The following ATP13A5 variants were observed in gnomAD, a reference collection of about 807,000 sequenced individuals.
ATP13A5 encodes the protein ATPase 13A5.
Under a neutral mutation model 150.2 loss-of-function variants are expected in ATP13A5, and 149 were observed. The ratio of observed to expected loss-of-function variants is 0.99; its 90% confidence interval spans 0.87 to 1.14. The LOEUF is 1.14. Among genes scored for constraint, ATP13A5 ranks in the 50% most tolerant of loss-of-function variants. ATP13A5 has a pLI of 0.00. For synonymous variants in ATP13A5, 497 were observed against 522.2 expected, an observed-to-expected ratio of 0.95 and a Z score of 0.66; for missense variants, 1,383 against 1,449.3, an observed-to-expected ratio of 0.95 and a Z score of 0.74.
chr3:193,338,323 A>C (rs374546965), intron 9 of ATP13A5, among the ~76,000 whole-genome samples: 1 of 152,030 alleles, frequency 6.6e-6, no homozygotes, highest in Non-Finnish European at 1.5e-5. Context: ...TTTTCAAAGG[A>C]AATGCTTCCA....
intron 19 of ATP13A5, among the ~76,000 whole-genome samples, chr3:193,312,403 C>T (rs2108852676): frequency 6.6e-6 from 1 of 152,320 alleles, no homozygotes; most frequent in Middle Eastern, 3.4e-3. Flanking sequence ...AGGCCCCAGC[C>T]TCTGACCTTT....
At chr3:193,313,734 A>C (rs952239395) in intron 19 of ATP13A5, 2 of 281,032 alleles carry the variant, frequency 7.1e-6, no homozygotes, top group Non-Finnish European at 1.3e-5. Flanking sequence ...ATGAGTATAA[A>C]TCAGTAGTTC....
chr3:193,341,880 T>C (rs1712142807), intron 9 of ATP13A5, among the ~76,000 whole-genome samples: 2 of 152,178 alleles, frequency 1.3e-5, no homozygotes, highest in Non-Finnish European at 2.9e-5. Flanking sequence ...TACCAAAAAG[T>C]GGATACTATT....
At chr3:193,318,839 A>G in intron 17 of ATP13A5, 152 bp downstream of exon 17, 1 of 611,908 alleles carries the variant, frequency 1.6e-6, no homozygotes, top group Non-Finnish European at 2.9e-6. Context: ...TATCACCTAC[A>G]ATTATCCATC....
At chr3:193,305,732 C>T in intron 22 of ATP13A5, 64 bp from the exon 23 acceptor site, 2 of 1,335,312 alleles carry the variant, frequency 1.5e-6, no homozygotes, top group Admixed American at 3.4e-5. Flanking sequence ...CTTAAAACAC[C>T]AAGAGGCTGT....
chr3:193,337,394 C>T (rs1011378586), intron 9 of ATP13A5, among the ~76,000 whole-genome samples: 2 of 152,054 alleles, frequency 1.3e-5, no homozygotes, highest in African/African-American at 4.8e-5. Context: ...GTCTTTAATC[C>T]ATCTTGAATT....
intron 9 of ATP13A5, among the ~76,000 whole-genome samples, chr3:193,339,611 G>T (rs1258357118): frequency 6.6e-6 from 1 of 152,156 alleles, no homozygotes; most frequent in African/African-American, 2.4e-5. Flanking sequence ...TTTTAGGCAA[G>T]TGTTGTTCCC....
intron 12 of ATP13A5, among the ~76,000 whole-genome samples, chr3:193,329,178 C>G (rs1383698035): frequency 1.3e-5 from 2 of 151,562 alleles, no homozygotes; most frequent in Admixed American, 1.3e-4. Flanking sequence ...GATGCGGAGG[C>G]TGTAGTGAGC....
chr3:193,288,652 C>A lies in ATP13A5; in HGVS notation c.3023+1233G>T, dbSNP rs1352251590. Among the ~76,000 whole-genome samples, 3 of 152,138 alleles carry A rather than the reference C, an allele frequency of 2.0e-5. No homozygotes were observed. The East Asian group carries it at 5.8e-4, about 29-fold the overall frequency. On this transcript the variant is annotated intron_variant, in intron 26 of 29. Transcript: ENST00000342358. ...AAACTTCATGTGACTTGCTTTATTGCAATATTCACTTTATCGTGGTAGACT... is the reference window on the plus strand; with the variant it reads ...AAACTTCATGTGACTTGCTTTATTGAAATATTCACTTTATCGTGGTAGACT...
chr3:193,289,071 C>A (rs947478089), intron 26 of ATP13A5, among the ~76,000 whole-genome samples: 1 of 152,140 alleles, frequency 6.6e-6, no homozygotes, highest in Non-Finnish European at 1.5e-5. Context: ...AAATGACAAT[C>A]TGATCATTTG....
rs1250662645 is a variant in ATP13A5, at chr3:193,334,934, T to C, written c.1109A>G (p.Gln370Arg). Residue 370 changes from glutamine to arginine, a missense_variant, in exon 10 of 30, where the codon CAA becomes CGA. Gln to Arg is a conservative substitution (Grantham distance 43). Transcript: ENST00000342358. The part of the protein sequence containing the change: ...GQGPVRAVVL[Q>R]TGYNTAKGDL... Reference sequence around the variant, plus strand: ...CAAAAGTGGAATCCACTAACCTGTTTGCAAAACGACTGCTCGTACAGGCCC... The same window carrying C: ...CAAAAGTGGAATCCACTAACCTGTTCGCAAAACGACTGCTCGTACAGGCCC... 3 of 1,612,402 alleles carry C rather than the reference T, an allele frequency of 1.9e-6. No homozygotes were observed. The highest frequency in any genetic ancestry group is 2.5e-6 in the Non-Finnish European group (3 of 1,179,006).
intron 1 of ATP13A5, among the ~76,000 whole-genome samples, chr3:193,378,386 C>T (rs994717969): frequency 2.0e-5 from 3 of 152,182 alleles, no homozygotes; most frequent in African/African-American, 7.2e-5. Flanking sequence ...CCATGCGGGG[C>T]TCTGCAAATA....
rs938099129 is a variant in ATP13A5 at position 193,307,264 on chromosome 3, C to G, written c.2568+63G>C. ...GATGAAGAGACAAACCCCAGGAGAGCCTGAGGTCCTCCAGAGGGATATTAG... is the reference window on the plus strand; with the variant it reads ...GATGAAGAGACAAACCCCAGGAGAGGCTGAGGTCCTCCAGAGGGATATTAG... On this transcript the variant is annotated intron_variant, in intron 22 of 29. Coordinates refer to ENST00000342358, the MANE Select transcript of ATP13A5 (RefSeq NM_198505.4). 2.5e-6 allele frequency: 4 copies of G among 1,611,502 alleles called. No homozygotes were observed. In the African/African-American group the frequency reaches 4.0e-5, roughly 16 times the overall value.
chr3:193,328,363 G>A (rs1719548136), intron 12 of ATP13A5, among the ~76,000 whole-genome samples: 1 of 152,142 alleles, frequency 6.6e-6, no homozygotes, highest in Non-Finnish European at 1.5e-5. Context: ...TTTTGAAAAA[G>A]AGCTATTTGT....
chr3:193,311,105 C>T (rs765246880), intron 20 of ATP13A5, among the ~76,000 whole-genome samples: 3 of 152,194 alleles, frequency 2.0e-5, no homozygotes, highest in Non-Finnish European at 4.4e-5. Flanking sequence ...AGAAACAAGG[C>T]TCTGTTCTCA....
In ATP13A5 at chr3:193,374,276, GCACACACACA is replaced by G. The variant is rs542915725; in HGVS notation, c.63+4377_63+4386del. Among the ~76,000 whole-genome samples, 50 of 148,008 alleles carry G rather than the reference GCACACACACA, an allele frequency of 3.4e-4. No homozygotes were observed. The East Asian group carries it at 9.3e-3, about 28-fold the overall frequency. ...CAGGAGATAATCTGTGCATGTATTTGCACACACACACACACACACACACACAGAGAGAGAG... is the reference window on the plus strand; with the variant it reads ...CAGGAGATAATCTGTGCATGTATTTGCACACACACACACACAGAGAGAGAG... On this transcript the variant is annotated intron_variant, in intron 1 of 29. Transcript: ENST00000342358.
chr3:193,354,062 T>G, intron 6 of ATP13A5, 65 bp downstream of exon 6: 1 of 1,349,760 alleles, frequency 7.4e-7, no homozygotes, highest in Non-Finnish European at 1.0e-6. Context: ...GTGTTCCTTC[T>G]AGGAAGTAAG....
At chr3:193,299,001 T>A (rs1718283471) in intron 25 of ATP13A5, 130 bp downstream of exon 25, 1 of 698,146 alleles carries the variant, frequency 1.4e-6, no homozygotes, top group Non-Finnish European at 2.4e-6. Context: ...ATATCACTTT[T>A]AAAAAATTGT....
chr3:193,279,769 T>C (rs929446617), intron 27 of ATP13A5, among the ~76,000 whole-genome samples: 16 of 152,032 alleles, frequency 1.1e-4, no homozygotes, highest in African/African-American at 3.9e-4. Context: ...CAGTCAGTGT[T>C]CTTGGCACCA....
Sources: gnomAD v4.1 joint callset for allele counts (sites outside exome capture counted in the v4.1 genomes callset) on GRCh38, gnomAD v4.1.1 for gene constraint, MANE v1.5 for transcripts, NCBI Gene and HGNC (gene_info 2026-07-23, HGNC 2026-07-21) for gene names.